Variants in CSMD1 observed in about 807,000 individuals in gnomAD.
The protein encoded by CSMD1 is CUB and Sushi multiple domains 1.
A neutral mutation model predicts 417.5 loss-of-function variants in CSMD1; 213 were observed. The ratio of observed to expected loss-of-function variants is 0.51; its 90% CI spans 0.46 to 0.57. The LOEUF (loss-of-function observed/expected upper bound fraction) is 0.57. CSMD1 is among the 20% of genes least tolerant of loss of function. CSMD1 has a pLI of 0.00. For missense variants in CSMD1, 6,923 were observed against 4,529.7 expected, an observed-to-expected ratio of 1.53 and a Z score of -15.17; for synonymous variants, 2,862 against 1,736.8, an observed-to-expected ratio of 1.65 and a Z score of -16.11.
At chr8:3,778,582 G>C (rs1584984417) in intron 5 of CSMD1, among the ~76,000 whole-genome samples, 4 of 152,164 alleles carry the variant, frequency 2.6e-5, no homozygotes, top group African/African-American at 7.2e-5. Context: ...TTCTCTAGCA[G>C]AAAAGAGCAT....
In CSMD1 at chr8:4,637,336, C is replaced by G. The variant is rs761080634; in HGVS notation, c.302+6G>C. The G allele has an allele frequency of 2.5e-6, 4 of 1,602,270 alleles. No individual in the cohort carries two copies. The highest frequency in any genetic ancestry group is 1.7e-5 in the Admixed American group (1 of 59,946). On this transcript the variant is annotated splice_donor_region_variant and intron_variant, in intron 2 of 69. Transcript: ENST00000635120. Reference sequence around the variant, plus strand: ...CTAACTGTAATATAAAAAGTTGATACCTTACCTCACTTTTAAATTCCCTTG... The same window carrying G: ...CTAACTGTAATATAAAAAGTTGATAGCTTACCTCACTTTTAAATTCCCTTG...
intron 49 of CSMD1, among the ~76,000 whole-genome samples, chr8:3,059,004 G>C (rs1812412482): frequency 6.6e-6 from 1 of 151,944 alleles, no homozygotes; most frequent in Admixed American, 6.6e-5. Context: ...TGACATGTTT[G>C]GGGAAAGGAG....
rs148943797 is a variant in CSMD1, at chr8:3,931,257, G to A, written c.818+66646C>T. On this transcript the variant is annotated intron_variant, in intron 5 of 69. Coordinates refer to ENST00000635120, the MANE Select transcript of CSMD1 (RefSeq NM_033225.6). ...ATACATTTTGTTAGTTTCTCAGAAC[G>A]CTCTGCATTTTGAATTGTTAATAAA... 4.9e-4 allele frequency among the ~76,000 whole-genome samples: 73 copies of A among 150,424 alleles called. 3 individuals carry two copies. Among genetic ancestry groups the A allele is most frequent in the African/African-American group, 1.3e-3 (55 of 40,896 alleles).
chr8:3,586,251 T>G lies in CSMD1; in HGVS notation c.1107A>C (p.Ala369=). The G allele has an allele frequency of 1.2e-6, 2 of 1,606,272 alleles. No homozygotes were observed. Among genetic ancestry groups the G allele is most frequent in the South Asian group, 1.1e-5 (1 of 90,286 alleles). Residue 369 remains alanine, a synonymous_variant, in exon 9 of 70, where the codon GCA becomes GCC. Coordinates refer to ENST00000635120, the MANE Select transcript of CSMD1 (RefSeq NM_033225.6). ...TGTCCTCACATGAAAACTGTACATT[T>G]GCACCAACCCTAAGCCGTTAAAAAA... ...RRAGSDFRVG[A]NVQFSCEDNY...
At chr8:4,258,144 C>T (rs890082767) in intron 3 of CSMD1, among the ~76,000 whole-genome samples, 1 of 150,652 alleles carries the variant, frequency 6.6e-6, no homozygotes, top group South Asian at 2.1e-4. Flanking sequence ...GAGGTCTCAC[C>T]ATGTTGTTCA....
chr8:4,436,207 A>G (rs1482663927), intron 2 of CSMD1, among the ~76,000 whole-genome samples: 1 of 152,186 alleles, frequency 6.6e-6, no homozygotes, highest in East Asian at 1.9e-4. Flanking sequence ...TAGGCTTCTT[A>G]TGCCTCATAT....
chr8:3,073,747 G>T (rs542752536), intron 49 of CSMD1, among the ~76,000 whole-genome samples: 4 of 148,722 alleles, frequency 2.7e-5, no homozygotes, highest in African/African-American at 9.9e-5. Flanking sequence ...AGAAAAATGA[G>T]AACATGAACT....
At chr8:4,240,653 T>G (rs1362089316) in intron 3 of CSMD1, among the ~76,000 whole-genome samples, 3 of 152,092 alleles carry the variant, frequency 2.0e-5, no homozygotes, top group African/African-American at 7.2e-5. Flanking sequence ...CAACAAGTAC[T>G]CCCCTTATAC....
At position 2,980,834 on chromosome 8, in the gene CSMD1, C is replaced by T. The variant is rs1221231375; in HGVS notation, c.8378-2034G>A. ...TGCTTGGAGGATGTGTATTAAAATG[C>T]TAAGCCCTAAGTTCCTACCCTTTCC... On this transcript the variant is annotated intron_variant, in intron 54 of 69. Coordinates refer to ENST00000635120, the MANE Select transcript of CSMD1 (RefSeq NM_033225.6). 3.3e-5 allele frequency among the ~76,000 whole-genome samples: 5 copies of T among 152,186 alleles called. No homozygotes were observed. The East Asian group carries it at 5.8e-4, about 18-fold the overall frequency.
chr8:3,781,155 A>C (rs910325224), intron 5 of CSMD1, among the ~76,000 whole-genome samples: 5 of 152,218 alleles, frequency 3.3e-5, no homozygotes, highest in Non-Finnish European at 7.3e-5. Flanking sequence ...GGTTGTCCAA[A>C]CAAGACAAAG....
intron 1 of CSMD1, among the ~76,000 whole-genome samples, chr8:4,695,269 C>T (rs1054702812): frequency 2.0e-5 from 3 of 152,226 alleles, no homozygotes; most frequent in African/African-American, 7.2e-5. Flanking sequence ...ACCAAAACCT[C>T]TCTCTCTGAC....
intron 3 of CSMD1, among the ~76,000 whole-genome samples, chr8:4,252,203 C>T (rs887091194): frequency 6.6e-6 from 1 of 152,114 alleles, no homozygotes; most frequent in South Asian, 2.1e-4. Context: ...AAGCTTAAAA[C>T]AAGACAAAGG....
chr8:3,274,127 G>C (rs1190525682), intron 26 of CSMD1, among the ~76,000 whole-genome samples: 1 of 151,846 alleles, frequency 6.6e-6, no homozygotes. Flanking sequence ...GGTATGTTGT[G>C]TCTTTGTTCT....
intron 3 of CSMD1, among the ~76,000 whole-genome samples, chr8:4,203,774 A>C (rs1278750080): frequency 1.3e-5 from 2 of 152,142 alleles, no homozygotes; most frequent in South Asian, 4.1e-4. Context: ...ATATATATGT[A>C]CATATACATA....
chr8:4,682,895 AACTTTGGAACATTTTTAGAGAAATGTTTC>A, intron 1 of CSMD1, among the ~76,000 whole-genome samples: 1 of 148,552 alleles, frequency 6.7e-6, no homozygotes, highest in East Asian at 2.0e-4. Context: ...ATATTTTAAT[AACTTTGGAACATTTTTAGAGAAATGTTTC>A]TCTCATTTCT....
intron 2 of CSMD1, among the ~76,000 whole-genome samples, chr8:4,596,942 T>C (rs1463476630): frequency 2.6e-5 from 4 of 152,196 alleles, no homozygotes; most frequent in Non-Finnish European, 5.9e-5. Flanking sequence ...CTTTTGTTTC[T>C]TCCTCATTTT....
intron 3 of CSMD1, among the ~76,000 whole-genome samples, chr8:4,045,786 A>C (rs1410044304): frequency 6.6e-6 from 1 of 152,200 alleles, no homozygotes; most frequent in African/African-American, 2.4e-5. Flanking sequence ...CTTTAAAGCT[A>C]TTTCCAGACA....
intron 7 of CSMD1, among the ~76,000 whole-genome samples, chr8:3,639,111 C>T (rs4523281): frequency 0.14 from 21,246 of 152,094 alleles, 3,007 homozygotes; most frequent in African/African-American, 0.36. Flanking sequence ...CAAAGGACTT[C>T]ATTCTAGCAA....
At chr8:3,405,996 G>A (rs1290850509) in intron 15 of CSMD1, 31 bp downstream of exon 15, 7 of 1,601,024 alleles carry the variant, frequency 4.4e-6, no homozygotes, top group Admixed American at 1.7e-5. Flanking sequence ...TGATTTCAAA[G>A]GAGAAGAGCG....
Sources: gnomAD v4.1 joint callset for allele counts (sites outside exome capture counted in the v4.1 genomes callset) on GRCh38, gnomAD v4.1.1 for gene constraint, MANE v1.5 for transcripts, NCBI Gene and HGNC (gene_info 2026-07-23, HGNC 2026-07-21) for gene names.